Variants in ZNF398 observed in about 807,000 individuals in gnomAD.
The protein encoded by ZNF398 is zinc finger protein 398.
A neutral mutation model predicts 41.9 loss-of-function variants in ZNF398; 18 were observed. That is an observed-to-expected ratio of 0.43 (90% CI 0.30 to 0.64). The LOEUF (loss-of-function observed/expected upper bound fraction) is 0.64, where lower values mean the gene tolerates loss of function less well. ZNF398 is among the 30% of genes least tolerant of loss of function. The pLI is 0.14. For missense variants in ZNF398, 669 were observed against 822.8 expected, an observed-to-expected ratio of 0.81 and a Z score of 2.29; for synonymous variants, 260 against 308.8, an observed-to-expected ratio of 0.84 and a Z score of 1.66.
chr7:149,152,847 C>T (rs964703081), intron 1 of ZNF398, among the ~76,000 whole-genome samples: 12 of 151,036 alleles, frequency 7.9e-5, no homozygotes, highest in African/African-American at 2.9e-4. Flanking sequence ...GAGCCACCCA[C>T]CGTGCCCAGC....
chr7:149,165,587 G>T (rs1310588770), intron 2 of ZNF398, among the ~76,000 whole-genome samples: 2 of 152,172 alleles, frequency 1.3e-5, no homozygotes, highest in African/African-American at 2.4e-5. Context: ...GATACACACA[G>T]AAGACATAAT....
upstream of ZNF398, among the ~76,000 whole-genome samples, chr7:149,144,337 A>G (rs1364494786): frequency 6.6e-6 from 1 of 151,958 alleles, no homozygotes; most frequent in Non-Finnish European, 1.5e-5. Flanking sequence ...TGGAGATGGG[A>G]TGTCAGTCTG....
At chr7:149,149,741 G>A (rs1827064789) in intron 1 of ZNF398, among the ~76,000 whole-genome samples, 1 of 152,048 alleles carries the variant, frequency 6.6e-6, no homozygotes, top group African/African-American at 2.4e-5. Context: ...AGCTACTCAG[G>A]AGGTGGGAGG....
At position 149,176,599 on chromosome 7, in the gene ZNF398, G is replaced by A; in HGVS notation, c.775+18G>A. The A allele has an allele frequency of 6.5e-7, 1 of 1,539,718 alleles. No homozygotes were observed. The highest frequency in any genetic ancestry group is 1.2e-5 in the South Asian group (1 of 85,898). On this transcript the variant is annotated intron_variant, in intron 5 of 5. Transcript: ENST00000475153. ...TTATGCTGGTGAGTATGAAATTAAA[G>A]AGGTGTTCATGTCCATATCCAGCTC...
chr7:149,170,179 C>T (rs917391656), intron 4 of ZNF398, among the ~76,000 whole-genome samples: 4 of 152,144 alleles, frequency 2.6e-5, no homozygotes, highest in African/African-American at 9.7e-5. Flanking sequence ...CACAATCATG[C>T]GCTGCTGAAC....
At chr7:149,156,596 C>G (rs999001222) in intron 2 of ZNF398, among the ~76,000 whole-genome samples, 3 of 151,124 alleles carry the variant, frequency 2.0e-5, no homozygotes, top group African/African-American at 7.3e-5. Flanking sequence ...CAGTGGCTCA[C>G]GCCTGTAATC....
intron 2 of ZNF398, among the ~76,000 whole-genome samples, chr7:149,160,174 C>CA (rs1938767792): frequency 6.6e-6 from 1 of 152,180 alleles, no homozygotes; most frequent in South Asian, 2.1e-4. Context: ...CGCGGTGACT[C>CA]ACGCCTGTAA....
chr7:149,167,001 A>C, intron 4 of ZNF398, 71 bp downstream of exon 4: 1 of 1,051,730 alleles, frequency 9.5e-7, no homozygotes, highest in Non-Finnish European at 1.4e-6. Flanking sequence ...AGAGCTAAGC[A>C]GGGCTTAGGG....
intron 1 of ZNF398, among the ~76,000 whole-genome samples, chr7:149,152,588 C>T (rs34348280): frequency 0.54 from 79,693 of 147,048 alleles, 24,846 homozygotes; most frequent in East Asian, 0.9. Flanking sequence ...TTTTCTGAGA[C>T]GGAGTTTTGC....
At chr7:149,157,222 G>A (rs989045470) in intron 2 of ZNF398, among the ~76,000 whole-genome samples, 6 of 151,506 alleles carry the variant, frequency 4.0e-5, no homozygotes, top group Admixed American at 3.3e-4. Context: ...CAGGAGAGAC[G>A]TTAAAAGTGG....
chr7:149,132,782 A>G (rs1826624488), intron 2 of ZNF398, among the ~76,000 whole-genome samples: 1 of 152,130 alleles, frequency 6.6e-6, no homozygotes, highest in Non-Finnish European at 1.5e-5. Flanking sequence ...AAAGAAAAAC[A>G]GAAGATGGAG....
upstream of ZNF398, among the ~76,000 whole-genome samples, chr7:149,143,108 C>T (rs1390579808): frequency 6.6e-6 from 1 of 150,686 alleles, no homozygotes; most frequent in Non-Finnish European, 1.5e-5. Flanking sequence ...CAATTACTGG[C>T]CAGGCGCGGT....
chr7:149,159,938 C>G (rs1450884842), intron 2 of ZNF398, among the ~76,000 whole-genome samples: 1 of 151,882 alleles, frequency 6.6e-6, no homozygotes, highest in East Asian at 2.0e-4. Context: ...GTTGGCCAGG[C>G]TTGTCTCGAA....
upstream of ZNF398, among the ~76,000 whole-genome samples, chr7:149,145,799 G>T (rs1208169869): frequency 6.6e-6 from 1 of 152,142 alleles, no homozygotes; most frequent in Non-Finnish European, 1.5e-5. Flanking sequence ...GTGGCCCTAT[G>T]ATTAGACCTC....
intron 2 of ZNF398, among the ~76,000 whole-genome samples, chr7:149,164,982 T>C (rs944341643): frequency 2.6e-5 from 4 of 151,644 alleles, no homozygotes; most frequent in East Asian, 1.9e-4. Context: ...TAATCCTGGC[T>C]ACTTGGGAGG....
rs757109596 is a variant in ZNF398 at position 149,180,963 on chromosome 7, C to T, written c.*1162C>T. ...TCCTAGATCACTGAGAGCTAAGCAC[C>T]ATGCATAGACAACAGTTTGTTCTTG... On this transcript the variant is annotated 3_prime_UTR_variant, in exon 6 of 6. Coordinates refer to ENST00000475153, the MANE Select transcript of ZNF398 (RefSeq NM_170686.3). 1 of 152,532 alleles carries T rather than the reference C, an allele frequency of 6.6e-6. No homozygotes were observed. The highest frequency in any genetic ancestry group is 2.4e-5 in the African/African-American group (1 of 41,426). The allele number at this position is 152,532 out of a possible 1,614,324, so 9.4% of individuals were successfully genotyped here. A position where few individuals can be genotyped will look rare whatever the true frequency, so the allele number is the denominator to read the frequency against.
chr7:149,151,210 C>G, intron 1 of ZNF398: 1 of 1,202,214 alleles, frequency 8.3e-7, no homozygotes. Flanking sequence ...CCTCTAGGCA[C>G]GCTTACTAAT....
At chr7:149,127,739 C>A (rs1481759779) in intron 1 of ZNF398, among the ~76,000 whole-genome samples, 2 of 151,836 alleles carry the variant, frequency 1.3e-5, no homozygotes, top group Admixed American at 6.6e-5. Context: ...AACAAACAAA[C>A]AAAAAAACTA....
At position 149,162,837 on chromosome 7, in the gene ZNF398, C is replaced by G. The variant is rs540184685; in HGVS notation, c.421-3321C>G. On this transcript the variant is annotated intron_variant, in intron 2 of 5. Transcript: ENST00000475153. ...CTTTGGGAGGCCGAGGTGGGCAGAT[C>G]GCCTGAGGTCAGGAGTTTGAGACTA... is the stretch of plus-strand genomic sequence containing the variant. Among the ~76,000 whole-genome samples the G allele has an allele frequency of 1.5e-3, 231 of 151,006 alleles. 1 individual carries two copies. Among genetic ancestry groups the G allele is most frequent in the African/African-American group, 4.9e-3 (203 of 41,074 alleles).
Sources: gnomAD v4.1 joint callset for allele counts (sites outside exome capture counted in the v4.1 genomes callset) on GRCh38, gnomAD v4.1.1 for gene constraint, MANE v1.5 for transcripts, NCBI Gene and HGNC (gene_info 2026-07-23, HGNC 2026-07-21) for gene names.